Variants in VAV3 observed in about 807,000 individuals in gnomAD.
VAV3 encodes vav guanine nucleotide exchange factor 3.
VAV3 carries 94 observed loss-of-function variants against 131.2 expected under a neutral mutation model. The observed-to-expected ratio is 0.72, with a 90% confidence interval of 0.61 to 0.85. The LOEUF (loss-of-function observed/expected upper bound fraction) is 0.85, where lower values mean the gene tolerates loss of function less well. Among genes scored for constraint, VAV3 ranks in the 40% least tolerant of loss-of-function variants. The pLI is 0.00. For synonymous variants in VAV3, 349 were observed against 342.0 expected (o/e 1.02, Z -0.22); for missense variants, 939 against 1,002.7 (o/e 0.94, Z 0.86).
At chr1:107,836,482 T>C (rs1668482799) in intron 2 of VAV3, among the ~76,000 whole-genome samples, 2 of 152,090 alleles carry the variant, frequency 1.3e-5, no homozygotes, top group African/African-American at 4.8e-5. Flanking sequence ...TTAAAAGTTC[T>C]CAAATTAACA....
At chr1:107,925,093 A>T (rs1673086317) in intron 1 of VAV3, among the ~76,000 whole-genome samples, 1 of 152,200 alleles carries the variant, frequency 6.6e-6, no homozygotes, top group South Asian at 2.1e-4. Context: ...TCAAAACATG[A>T]TATTGAACAC....
At chr1:107,821,554 A>T (rs1309822651) in intron 2 of VAV3, among the ~76,000 whole-genome samples, 1 of 152,162 alleles carries the variant, frequency 6.6e-6, no homozygotes, top group Non-Finnish European at 1.5e-5. Flanking sequence ...AAAGTAAATG[A>T]CTCAGAGGTG....
chr1:107,619,115 T>G (rs924245479), intron 20 of VAV3, among the ~76,000 whole-genome samples: 1 of 152,150 alleles, frequency 6.6e-6, no homozygotes, highest in Non-Finnish European at 1.5e-5. Flanking sequence ...GATGATCTGT[T>G]TCTGAGTTAA....
intron 2 of VAV3, among the ~76,000 whole-genome samples, chr1:107,843,754 C>A (rs773454279): frequency 6.6e-6 from 1 of 151,972 alleles, no homozygotes; most frequent in Non-Finnish European, 1.5e-5. Flanking sequence ...AAATCAGACA[C>A]GGAAAAATGC....
intron 1 of VAV3, among the ~76,000 whole-genome samples, chr1:107,943,281 T>C (rs1016415115): frequency 6.6e-6 from 1 of 152,202 alleles, no homozygotes; most frequent in African/African-American, 2.4e-5. Context: ...GGTCTGCTCT[T>C]GATTAGTCAG....
At chr1:107,576,209 G>A (rs1302839401) in intron 25 of VAV3, among the ~76,000 whole-genome samples, 1 of 151,946 alleles carries the variant, frequency 6.6e-6, no homozygotes, top group Non-Finnish European at 1.5e-5. Flanking sequence ...AAACACCAGA[G>A]GAGTGAAATG....
intron 2 of VAV3, among the ~76,000 whole-genome samples, chr1:107,860,726 G>A (rs1019110186): frequency 4.6e-5 from 7 of 151,604 alleles, no homozygotes; most frequent in Non-Finnish European, 7.4e-5. Context: ...AGGAGACGAC[G>A]TTTATTTCAT....
intron 20 of VAV3, among the ~76,000 whole-genome samples, chr1:107,639,215 A>C (rs1655154002): frequency 6.6e-6 from 1 of 152,108 alleles, no homozygotes; most frequent in African/African-American, 2.4e-5. Flanking sequence ...CTAAAACTAT[A>C]AGCCTTCTAG....
Position 107,765,064 on chromosome 1 carries a change from A to C in VAV3, c.921+12T>G, listed in dbSNP as rs1234211869. ...TTTTGCTTTATGTCATAAACTAAAA[A>C]TAAATAGGCACCTCTAATTTCAGTT... On this transcript the variant is annotated intron_variant, in intron 9 of 26. Transcript: ENST00000370056. 14 of 1,595,954 alleles carry C rather than the reference A, an allele frequency of 8.8e-6. No homozygotes were observed. The highest frequency in any genetic ancestry group is 1.2e-5 in the Non-Finnish European group (14 of 1,165,128).
intron 19 of VAV3, among the ~76,000 whole-genome samples, chr1:107,646,862 C>A (rs1433286286): frequency 2.0e-5 from 3 of 151,768 alleles, no homozygotes; most frequent in African/African-American, 7.3e-5. Context: ...TGGAGTTTCC[C>A]AAAACAATAC....
chr1:107,636,086 A>C (rs1654911080), intron 20 of VAV3, among the ~76,000 whole-genome samples: 1 of 152,234 alleles, frequency 6.6e-6, no homozygotes, highest in African/African-American at 2.4e-5. Flanking sequence ...TGTCATCATT[A>C]CTATAAGGAA....
chr1:107,835,646 C>G (rs1668444350), intron 2 of VAV3, among the ~76,000 whole-genome samples: 1 of 152,194 alleles, frequency 6.6e-6, no homozygotes, highest in Non-Finnish European at 1.5e-5. Flanking sequence ...GGGACAGATT[C>G]TACAGTAGCC....
At chr1:107,683,404 C>A in intron 19 of VAV3, 84 bp downstream of exon 19, 2 of 1,496,462 alleles carry the variant, frequency 1.3e-6, no homozygotes, top group Non-Finnish European at 1.9e-6. Context: ...CAACAATATG[C>A]CTCACTTTCC....
intron 15 of VAV3, among the ~76,000 whole-genome samples, 154 bp from the exon 16 acceptor site, chr1:107,705,215 T>C (rs1199304310): frequency 1.3e-5 from 2 of 152,168 alleles, no homozygotes; most frequent in African/African-American, 4.8e-5. Flanking sequence ...AAGCCAAAAG[T>C]ATGCTATGCA....
chr1:107,954,159 G>T (rs1278091606), intron 1 of VAV3, among the ~76,000 whole-genome samples: 1 of 152,078 alleles, frequency 6.6e-6, no homozygotes, highest in Non-Finnish European at 1.5e-5. Flanking sequence ...ATAAAATAAT[G>T]CTCCAAATAA....
intron 1 of VAV3, among the ~76,000 whole-genome samples, chr1:107,946,130 T>C (rs911216321): frequency 3.3e-5 from 5 of 152,026 alleles, no homozygotes; most frequent in Non-Finnish European, 5.9e-5. Context: ...TTACTGACAA[T>C]GTAGATGGGA....
At chr1:107,714,199 T>C (rs575669597) in intron 15 of VAV3, among the ~76,000 whole-genome samples, 67 of 152,232 alleles carry the variant, frequency 4.4e-4, no homozygotes, top group African/African-American at 1.6e-3. Flanking sequence ...TCACTCTCCA[T>C]ATAGTCCCCA....
intron 2 of VAV3, among the ~76,000 whole-genome samples, chr1:107,860,029 G>T (rs965080188): frequency 2.6e-5 from 4 of 152,180 alleles, no homozygotes; most frequent in African/African-American, 9.7e-5. Flanking sequence ...CAAATGTCAT[G>T]ATGCCTATCT....
chr1:107,822,230 G>A (rs1216193512), intron 2 of VAV3, among the ~76,000 whole-genome samples: 3 of 152,156 alleles, frequency 2.0e-5, no homozygotes, highest in Admixed American at 2.0e-4. Flanking sequence ...CAATCTTGGA[G>A]CCCATGGTTA....
Sources: gnomAD v4.1 joint callset for allele counts (sites outside exome capture counted in the v4.1 genomes callset) on GRCh38, gnomAD v4.1.1 for gene constraint, MANE v1.5 for transcripts, NCBI Gene and HGNC (gene_info 2026-07-23, HGNC 2026-07-21) for gene names.